The following MEI1 variants were observed in gnomAD, a reference collection of about 807,000 sequenced individuals.
MEI1 encodes the protein meiosis inhibitor protein 1.
In MEI1, 103 loss-of-function variants were observed where a neutral mutation model predicts 146.2. That is an observed-to-expected ratio of 0.70 (90% CI 0.60 to 0.83). The LOEUF is 0.83. Ranked by LOEUF, MEI1 falls within the 40% of genes least tolerant of loss-of-function variation. The pLI, the probability that MEI1 is intolerant of heterozygous loss-of-function variation, is 0.00. For missense variants in MEI1, 1,529 were observed against 1,533.0 expected, an observed-to-expected ratio of 1.00 and a Z score of 0.04; for synonymous variants, 652 against 628.2, an observed-to-expected ratio of 1.04 and a Z score of -0.57.
Position 41,699,601 on chromosome 22 carries a change from G to C in MEI1, c.63G>C (p.Ala21=), listed in dbSNP as rs1171026224. ...TPGPRREEEA[A]LLFERAHYRH... is the part of the protein sequence containing the mutation. ...GGCCCAGGAGAGAGGAAGAGGCGGC[G>C]CTTCTATTCGAGAGGGCCCATTACC... The change falls in exon 1 of 31, where the codon GCG becomes GCC. Residue 21 remains alanine, a synonymous_variant. Coordinates refer to ENST00000401548, the MANE Select transcript of MEI1 (RefSeq NM_152513.4). The C allele has an allele frequency of 5.0e-6, 8 of 1,612,454 alleles. No individual in the cohort carries two copies. The Admixed American group carries it at 1.2e-4, about 24-fold the overall frequency.
rs758583836 is a variant in MEI1, at chr22:41,746,024, A to T, written c.1678A>T (p.Met560Leu). 1 of 1,593,684 alleles carries T rather than the reference A, an allele frequency of 6.3e-7. No homozygotes were observed. The highest frequency in any genetic ancestry group is 8.6e-7 in the Non-Finnish European group (1 of 1,168,852). The change falls in exon 14 of 31, where the codon ATG becomes TTG. Residue 560 changes from methionine (M) to leucine (L), a missense_variant and splice_region_variant. Physicochemically the swap from Met to Leu is conservative, Grantham distance 15. Coordinates refer to ENST00000401548, the MANE Select transcript of MEI1 (RefSeq NM_152513.4). ...ACDSLCIPMV[M>L]RHLEQTTHPA... ...TGACTCGCTGTGTATCCCCATGGTGATGGTGGGTTCTCCTGAGCCACGGGC... is the reference window on the plus strand; with the variant it reads ...TGACTCGCTGTGTATCCCCATGGTGTTGGTGGGTTCTCCTGAGCCACGGGC...
intron 20 of MEI1, chr22:41,774,547 C>T (rs1295312960): frequency 6.6e-6 from 1 of 152,154 alleles, no homozygotes; most frequent in East Asian, 1.9e-4. Context: ...CATTCTGTGA[C>T]CTTTTTCTTT....
At chr22:41,748,256 A>G in intron 15 of MEI1, 38 bp downstream of exon 15, 1 of 1,362,318 alleles carries the variant, frequency 7.3e-7, no homozygotes, top group Non-Finnish European at 1.1e-6. Flanking sequence ...GGAGGGAGGC[A>G]AGCACCTTAG....
chr22:41,720,933 G>A (rs551977868), intron 6 of MEI1, among the ~76,000 whole-genome samples: 20 of 151,848 alleles, frequency 1.3e-4, no homozygotes, highest in African/African-American at 3.9e-4. Flanking sequence ...CACCACGCCC[G>A]GCTAATTTTT....
At chr22:41,718,383 GGT>G in intron 6 of MEI1, 109 bp downstream of exon 6, 1 of 999,166 alleles carries the variant, frequency 1.0e-6, no homozygotes, top group South Asian at 1.6e-5. Context: ...TTTTGCAAAA[GGT>G]AGAAGCCACA....
At chr22:41,746,119 C>T (rs886531951) in intron 14 of MEI1, 93 bp downstream of exon 14, 23 of 1,251,402 alleles carry the variant, frequency 1.8e-5, no homozygotes, top group Non-Finnish European at 2.4e-5. Context: ...AGTGACTGCT[C>T]AAAGGAACTC....
At chr22:41,701,923 T>G (rs2147192248) in intron 1 of MEI1, among the ~76,000 whole-genome samples, 1 of 152,136 alleles carries the variant, frequency 6.6e-6, no homozygotes, top group Non-Finnish European at 1.5e-5. Context: ...GAGATGAGAT[T>G]GGAGAGACAG....
intron 15 of MEI1, among the ~76,000 whole-genome samples, chr22:41,749,813 G>C (rs924060689): frequency 6.6e-6 from 1 of 151,984 alleles, no homozygotes; most frequent in African/African-American, 2.4e-5. Context: ...AACAGTTCAA[G>C]GTAATGCCTG....
chr22:41,712,450 T>C (rs1005295635), intron 3 of MEI1, among the ~76,000 whole-genome samples: 6 of 151,638 alleles, frequency 4.0e-5, no homozygotes, highest in Admixed American at 2.6e-4. Context: ...TTAGCCAGGA[T>C]GGTCTTGATC....
intron 20 of MEI1, 173 bp from the exon 21 acceptor site, chr22:41,775,929 G>A (rs1424787439): frequency 4.2e-5 from 25 of 596,532 alleles, no homozygotes; most frequent in South Asian, 1.2e-4. Context: ...GTTTTGAGGC[G>A]TCAGTGCACC....
chr22:41,732,726 C>A, intron 11 of MEI1, 123 bp downstream of exon 11: 15 of 1,026,816 alleles, frequency 1.5e-5, no homozygotes, highest in East Asian at 5.7e-5. Context: ...GTTGGCCCTT[C>A]ATAATTGTGG....
intron 7 of MEI1, among the ~76,000 whole-genome samples, chr22:41,728,061 C>G (rs1434792287): frequency 2.6e-5 from 4 of 152,204 alleles, no homozygotes; most frequent in African/African-American, 9.6e-5. Context: ...TCAAGTCCTA[C>G]AGTCAGCCCT....
chr22:41,795,691 G>T lies in MEI1; in HGVS notation c.3667-44G>T. The stretch of plus-strand genomic sequence containing the variant: ...GAGGCAGTTAGGGCCTGTGTGGAAT[G>T]GGCACTGAGGAGGCCTGTCTTCCCT... On this transcript the variant is annotated intron_variant, in intron 29 of 30. Transcript: ENST00000401548. This position sits in a 1 kb window ranked among gnomAD's most constrained non-coding sequence, Gnocchi z 4.2. 6.3e-7 allele frequency: 1 copy of T among 1,597,080 alleles called. No individual in the cohort carries two copies. Among genetic ancestry groups the T allele is most frequent in the South Asian group, 1.1e-5 (1 of 89,540 alleles).
rs1373915349 is a variant in MEI1, at chr22:41,718,216, C to T, written c.675C>T (p.Pro225=). Residue 225 remains proline (P), a synonymous_variant, in exon 6 of 31, where the codon CCC becomes CCT. Transcript: ENST00000401548. ...LSGHFREKLF[P]LFLSILDGAQ... Reference sequence around the variant, plus strand: ...GACACTTCCGTGAGAAGCTTTTTCCCCTCTTCCTTTCCATCCTGGATGGTG... The same window carrying T: ...GACACTTCCGTGAGAAGCTTTTTCCTCTCTTCCTTTCCATCCTGGATGGTG... The T allele has an allele frequency of 1.9e-6, 3 of 1,613,792 alleles. No individual in the cohort carries two copies. The highest frequency in any genetic ancestry group is 1.7e-6 in the Non-Finnish European group (2 of 1,179,846).
At chr22:41,748,056 T>A (rs770443517) in intron 14 of MEI1, 51 bp from the exon 15 acceptor site, 15 of 1,293,932 alleles carry the variant, frequency 1.2e-5, no homozygotes, top group Non-Finnish European at 1.6e-5. Context: ...ATGCCTTTTC[T>A]TCAGAGGCTC....
In MEI1 at chr22:41,748,529, T is replaced by G. The variant is rs569944198; in HGVS notation, c.1792+311T>G. On this transcript the variant is annotated intron_variant, in intron 15 of 30. Transcript: ENST00000401548. ...TGAGACCCCATCTCTAAAAAAAGAT[T>G]AAAGAAAAATTAGCTGAGAGTTTTC... is the stretch of plus-strand genomic sequence containing the variant. 1.4e-4 allele frequency among the ~76,000 whole-genome samples: 21 copies of G among 152,254 alleles called. No individual in the cohort carries two copies. In the South Asian group the frequency reaches 4.4e-3, roughly 32 times the overall value.
At chr22:41,721,560 A>G (rs73161364) in intron 6 of MEI1, among the ~76,000 whole-genome samples, 2,463 of 46,364 alleles carry the variant, frequency 0.053, 50 homozygotes, top group East Asian at 0.16. Context: ...TGGCTAATTA[A>G]AAAATTTTTT....
chr22:41,700,577 C>A (rs559732020), intron 1 of MEI1, among the ~76,000 whole-genome samples: 14 of 81,068 alleles, frequency 1.7e-4, no homozygotes, highest in African/African-American at 4.0e-4. Context: ...GTGATCCACC[C>A]GCCTCGGCTT....
chr22:41,797,470 G>C (rs1602213700), intron 30 of MEI1, among the ~76,000 whole-genome samples: 1 of 152,146 alleles, frequency 6.6e-6, no homozygotes, highest in Non-Finnish European at 1.5e-5. Flanking sequence ...AAATTAGTCG[G>C]CTGTGGTGGC....
Sources: allele counts gnomAD v4.1 joint callset (sites outside exome capture counted in the v4.1 genomes callset), GRCh38; gene constraint gnomAD v4.1.1; non-coding constraint Gnocchi (gnomAD v3.1); transcripts MANE v1.5; gene names NCBI Gene and HGNC (gene_info 2026-07-23, HGNC 2026-07-21).